Variants in SYT1 observed in about 807,000 individuals in gnomAD.
SYT1 encodes synaptotagmin-1.
SYT1 carries 8 observed loss-of-function variants against 44.8 expected under a neutral mutation model. The observed-to-expected ratio is 0.18, with a 90% CI of 0.10 to 0.32. The LOEUF (loss-of-function observed/expected upper bound fraction) is 0.32. SYT1 is among the 10% of genes least tolerant of loss of function. SYT1 has a pLI of 1.00. For missense variants in SYT1, 286 were observed against 509.3 expected, an observed-to-expected ratio of 0.56 and a Z score of 4.22; for synonymous variants, 154 against 188.8, an observed-to-expected ratio of 0.82 and a Z score of 1.51.
At chr12:78,936,577 T>A (rs1878072967) in intron 1 of SYT1, among the ~76,000 whole-genome samples, 1 of 152,172 alleles carries the variant, frequency 6.6e-6, no homozygotes, top group Non-Finnish European at 1.5e-5. Context: ...AATTTTTCCT[T>A]TAAAAACCTA....
At chr12:79,167,542 C>T (rs1871289194) in intron 3 of SYT1, among the ~76,000 whole-genome samples, 1 of 151,928 alleles carries the variant, frequency 6.6e-6, no homozygotes, top group African/African-American at 2.4e-5. Flanking sequence ...TACGAAGAAT[C>T]ACAGAATAAA....
chr12:79,083,648 C>CT (rs1351458930), intron 3 of SYT1, among the ~76,000 whole-genome samples: 1 of 151,924 alleles, frequency 6.6e-6, no homozygotes, highest in Non-Finnish European at 1.5e-5. Flanking sequence ...TATATACAAT[C>CT]TTTAAGTCTA....
chr12:78,952,646 A>G (rs1879025677), intron 1 of SYT1, among the ~76,000 whole-genome samples: 1 of 152,168 alleles, frequency 6.6e-6, no homozygotes, highest in Non-Finnish European at 1.5e-5. Context: ...TTTTAGGTCC[A>G]CAGAATCACT....
chr12:79,147,766 G>A (rs1195557601), intron 3 of SYT1, among the ~76,000 whole-genome samples: 2 of 152,120 alleles, frequency 1.3e-5, no homozygotes, highest in East Asian at 3.8e-4. Context: ...CCTACAGGAA[G>A]AAATATGAAA....
At chr12:79,139,305 C>T (rs1869405883) in intron 3 of SYT1, among the ~76,000 whole-genome samples, 1 of 152,156 alleles carries the variant, frequency 6.6e-6, no homozygotes, top group African/African-American at 2.4e-5. Context: ...AAAGATCTAG[C>T]AATGAGGGAG....
chr12:79,178,943 GATATAGATATAGATATAGATATAGAT>G (rs1872090249), intron 3 of SYT1, among the ~76,000 whole-genome samples: 3 of 55,244 alleles, frequency 5.4e-5, no homozygotes, highest in African/African-American at 2.5e-4. Context: ...TATAGATATA[GATATAGATATAGATATAGATATAGAT>G]ATATAGATAT....
At chr12:79,424,266 A>G (rs1869300003) in intron 9 of SYT1, among the ~76,000 whole-genome samples, 1 of 152,084 alleles carries the variant, frequency 6.6e-6, no homozygotes, top group Non-Finnish European at 1.5e-5. Context: ...CCTATTTAGA[A>G]GAATTTCTGC....
At chr12:79,159,854 G>A (rs906002693) in intron 3 of SYT1, among the ~76,000 whole-genome samples, 9 of 151,966 alleles carry the variant, frequency 5.9e-5, no homozygotes, top group Non-Finnish European at 1.2e-4. Context: ...CCAATTTCTC[G>A]GAGTTAAAAT....
At chr12:78,972,089 T>C (rs2137393274) in intron 1 of SYT1, among the ~76,000 whole-genome samples, 1 of 152,252 alleles carries the variant, frequency 6.6e-6, no homozygotes, top group South Asian at 2.1e-4. Flanking sequence ...TGTAAATGAT[T>C]TCTTAAACTA....
chr12:78,895,366 G>A (rs749775748), intron 1 of SYT1, among the ~76,000 whole-genome samples: 2 of 151,592 alleles, frequency 1.3e-5, no homozygotes, highest in Admixed American at 1.3e-4. Flanking sequence ...AATGCATAAT[G>A]TAAAATAATA....
chr12:78,883,184 A>G (rs756936160), intron 1 of SYT1, among the ~76,000 whole-genome samples: 1 of 151,674 alleles, frequency 6.6e-6, no homozygotes, highest in Non-Finnish European at 1.5e-5. Flanking sequence ...TGAACAATTG[A>G]TGTTTATTGA....
Position 79,232,353 on chromosome 12 carries a change from G to A in SYT1, c.166+14668G>A, listed in dbSNP as rs186863350. Among the ~76,000 whole-genome samples, 108 of 152,314 alleles carry A rather than the reference G, an allele frequency of 7.1e-4. 1 individual carries two copies. The highest frequency in any genetic ancestry group is 2.5e-3 in the African/African-American group (104 of 41,580). On this transcript the variant is annotated intron_variant, in intron 4 of 10. Coordinates refer to ENST00000261205, the MANE Select transcript of SYT1 (RefSeq NM_005639.3). ...AATTAAAATGTCTTAGCAGGACAGCGATGGCTCTTTATGATATGGCTCTTG... is the reference window on the plus strand; with the variant it reads ...AATTAAAATGTCTTAGCAGGACAGCAATGGCTCTTTATGATATGGCTCTTG...
At chr12:79,140,961 C>G (rs1869520650) in intron 3 of SYT1, among the ~76,000 whole-genome samples, 1 of 152,152 alleles carries the variant, frequency 6.6e-6, no homozygotes, top group Admixed American at 6.5e-5. Context: ...GCAGTCAAAG[C>G]CATACAGTGC....
chr12:78,891,733 T>C (rs1875061913), intron 1 of SYT1, among the ~76,000 whole-genome samples: 1 of 151,342 alleles, frequency 6.6e-6, no homozygotes, highest in Non-Finnish European at 1.5e-5. Context: ...CAATTTGAAC[T>C]GTGCTCAGGA....
At chr12:79,029,145 A>G (rs1399702978) in intron 2 of SYT1, among the ~76,000 whole-genome samples, 1 of 151,158 alleles carries the variant, frequency 6.6e-6, no homozygotes, top group Non-Finnish European at 1.5e-5. Context: ...GGTATCAGTT[A>G]TGCCTTCAAA....
chr12:79,074,174 C>T (rs1876479169), intron 3 of SYT1, among the ~76,000 whole-genome samples: 1 of 152,058 alleles, frequency 6.6e-6, no homozygotes, highest in Non-Finnish European at 1.5e-5. Flanking sequence ...AAAATAACAC[C>T]ATATACAGGA....
At chr12:79,222,745 G>A (rs1875251556) in intron 4 of SYT1, among the ~76,000 whole-genome samples, 1 of 152,016 alleles carries the variant, frequency 6.6e-6, no homozygotes, top group African/African-American at 2.4e-5. Context: ...TGGCTTGATT[G>A]TTTGCTCTGT....
chr12:79,000,234 T>A (rs548192549), intron 2 of SYT1, among the ~76,000 whole-genome samples: 1 of 152,034 alleles, frequency 6.6e-6, no homozygotes, highest in Non-Finnish European at 1.5e-5. Flanking sequence ...CCTCCCTTGC[T>A]GTTTAACATA....
intron 9 of SYT1, among the ~76,000 whole-genome samples, chr12:79,355,129 ACTTCTCCACCGTCTGTCCC>A (rs375082426): frequency 1.3e-4 from 20 of 152,016 alleles, no homozygotes; most frequent in African/African-American, 4.8e-4. Context: ...TTCCACTAGG[ACTTCTCCACCGTCTGTCCC>A]CTTCTCGTTC....
Sources: gnomAD v4.1 joint callset for allele counts (sites outside exome capture counted in the v4.1 genomes callset) on GRCh38, gnomAD v4.1.1 for gene constraint, MANE v1.5 for transcripts, NCBI Gene and HGNC (gene_info 2026-07-23, HGNC 2026-07-21) for gene names.